BPTF: variants seen among roughly 807,000 people sequenced by gnomAD.
BPTF encodes bromodomain PHD finger transcription factor, also known as nucleosome-remodeling factor subunit BPTF.
BPTF carries 18 observed loss-of-function variants against 292.5 expected under a neutral mutation model. The observed-to-expected ratio is 0.06, with a 90% CI of 0.04 to 0.09. BPTF has a LOEUF of 0.09. BPTF is among the 10% of genes least tolerant of loss of function. BPTF has a pLI of 1.00. For synonymous variants in BPTF, 1,225 were observed against 1,251.9 expected (o/e 0.98, Z 0.45); for missense variants, 2,726 against 3,498.7 (o/e 0.78, Z 5.57).
intron 3 of BPTF, among the ~76,000 whole-genome samples, chr17:67,867,844 A>C (rs1246912323): frequency 6.6e-6 from 1 of 152,102 alleles, no homozygotes; most frequent in Non-Finnish European, 1.5e-5. Context: ...TCCCTGGGTG[A>C]GGCAGTGTTC....
chr17:67,956,287 C>A (rs1221885445), intron 23 of BPTF: 2 of 140,058 alleles, frequency 1.4e-5, no homozygotes, highest in Non-Finnish European at 3.0e-5. Flanking sequence ...CCACTGCATT[C>A]CAGCCTGGGA....
intron 9 of BPTF, among the ~76,000 whole-genome samples, chr17:67,906,179 C>T (rs1381835870): frequency 6.6e-6 from 1 of 152,034 alleles, no homozygotes; most frequent in African/African-American, 2.4e-5. Context: ...CTCCTGGGTT[C>T]AAGCAGTTCT....
chr17:67,952,766 A>G (rs1458971719), intron 23 of BPTF, among the ~76,000 whole-genome samples: 1 of 152,162 alleles, frequency 6.6e-6, no homozygotes, highest in Non-Finnish European at 1.5e-5. Context: ...TGGGCTTGGC[A>G]AATCCCTAAT....
chr17:67,905,626 T>A (rs999443003), intron 9 of BPTF, among the ~76,000 whole-genome samples: 29 of 152,172 alleles, frequency 1.9e-4, no homozygotes, highest in African/African-American at 7.0e-4. Flanking sequence ...GGAGGATTGC[T>A]TGAGGCCAGG....
At chr17:67,902,114 A>G (rs1217914228) in intron 7 of BPTF, among the ~76,000 whole-genome samples, 1 of 152,180 alleles carries the variant, frequency 6.6e-6, no homozygotes, top group Admixed American at 6.5e-5. Flanking sequence ...AAGACTGCCT[A>G]ACTGGCCTTG....
At chr17:67,942,854 A>G (rs1198759821) in intron 19 of BPTF, among the ~76,000 whole-genome samples, 1 of 152,246 alleles carries the variant, frequency 6.6e-6, no homozygotes, top group Non-Finnish European at 1.5e-5. Flanking sequence ...TAAAGAAGCA[A>G]GTAGCTGCCA....
At chr17:67,832,140 A>G (rs2056747336) in intron 1 of BPTF, among the ~76,000 whole-genome samples, 1 of 152,074 alleles carries the variant, frequency 6.6e-6, no homozygotes, top group Non-Finnish European at 1.5e-5. Flanking sequence ...CGCCTGCCTC[A>G]GCCTCCCAAA....
chr17:67,959,631 G>A lies in BPTF; in HGVS notation c.8017G>A (p.Val2673Met). 1 of 1,598,766 alleles carries A rather than the reference G, an allele frequency of 6.3e-7. No homozygotes were observed. The highest frequency in any genetic ancestry group is 1.8e-5 in the Admixed American group (1 of 56,434). The change falls in exon 24 of 28, where the codon GTG becomes ATG. Residue 2673 changes from valine to methionine, a missense_variant. Physicochemically the swap from Val to Met is conservative, Grantham distance 21 (BLOSUM62 1). Coordinates refer to ENST00000306378, the MANE Select transcript of BPTF (RefSeq NM_182641.4). ...ATAVAAPCPPVTPAPPAPPAP... is the reference protein window; with the variant it reads ...ATAVAAPCPPMTPAPPAPPAP... ...AGCAGTAGCTGCACCCTGCCCCCCAGTGACACCAGCTCCTCCAGCCCCTCC... is the reference window on the plus strand; with the variant it reads ...AGCAGTAGCTGCACCCTGCCCCCCAATGACACCAGCTCCTCCAGCCCCTCC...
Position 67,928,474 on chromosome 17 carries a change from A to G in BPTF, c.5871A>G (p.Ser1957=). The G allele has an allele frequency of 6.2e-7, 1 of 1,614,206 alleles. No homozygotes were observed. Among genetic ancestry groups the G allele is most frequent in the African/African-American group, 1.3e-5 (1 of 75,054 alleles). Residue 1957 remains serine, a synonymous_variant, in exon 16 of 28, where the codon TCA becomes TCG. Coordinates refer to ENST00000306378, the MANE Select transcript of BPTF (RefSeq NM_182641.4). The part of the protein sequence containing the change: ...QKVMVAPISG[S]VTTGTKMVLT... ...TTATGGTGGCCCCCATAAGTGGCTCAGTTACAACTGGAACCAAAATGGTAC... is the reference window on the plus strand; with the variant it reads ...TTATGGTGGCCCCCATAAGTGGCTCGGTTACAACTGGAACCAAAATGGTAC...
At chr17:67,832,403 G>A (rs372268649) in intron 1 of BPTF, among the ~76,000 whole-genome samples, 1 of 152,142 alleles carries the variant, frequency 6.6e-6, no homozygotes. Context: ...TGTTTTTCTA[G>A]ATAGTAAGTT....
intron 21 of BPTF, among the ~76,000 whole-genome samples, chr17:67,947,040 T>C (rs1420698611): frequency 3.9e-5 from 6 of 152,358 alleles, no homozygotes; most frequent in Middle Eastern, 3.4e-3. Context: ...AGGTCTCCCA[T>C]TCACAGTCCG....
At chr17:67,960,054 T>C in intron 24 of BPTF, 179 bp downstream of exon 24, 1 of 538,308 alleles carries the variant, frequency 1.9e-6, no homozygotes, top group Non-Finnish European at 3.2e-6. Context: ...AAGTAAAATT[T>C]GCTATTTCAC....
chr17:67,905,220 C>T (rs183540640), intron 9 of BPTF, among the ~76,000 whole-genome samples: 5 of 151,568 alleles, frequency 3.3e-5, no homozygotes, highest in Admixed American at 2.6e-4. Flanking sequence ...GACTACCTGG[C>T]TAACATGGTG....
intron 11 of BPTF, among the ~76,000 whole-genome samples, chr17:67,914,657 T>A (rs895855234): frequency 4.6e-5 from 7 of 152,184 alleles, no homozygotes; most frequent in African/African-American, 1.7e-4. Context: ...CTGCTCTTTG[T>A]ATTCTAAAAT....
chr17:67,977,172 A>T (rs1555694427), intron 27 of BPTF, among the ~76,000 whole-genome samples: 1 of 152,206 alleles, frequency 6.6e-6, no homozygotes, highest in East Asian at 1.9e-4. Flanking sequence ...ATATATTTTC[A>T]GTCATGTGAG....
chr17:67,924,108 C>T (rs1192214692), intron 14 of BPTF, among the ~76,000 whole-genome samples: 1 of 152,184 alleles, frequency 6.6e-6, no homozygotes, highest in Non-Finnish European at 1.5e-5. Flanking sequence ...AAGCAGTTCT[C>T]CTGCCTCAGG....
At chr17:67,964,792 A>G (rs1255703502) in intron 25 of BPTF, among the ~76,000 whole-genome samples, 6 of 150,696 alleles carry the variant, frequency 4.0e-5, no homozygotes, top group African/African-American at 1.5e-4. Context: ...CAAGGTCAGG[A>G]GATCAGACCA....
At chr17:67,917,789 T>C (rs2063146240) in intron 11 of BPTF, among the ~76,000 whole-genome samples, 1 of 151,964 alleles carries the variant, frequency 6.6e-6, no homozygotes, top group Non-Finnish European at 1.5e-5. Context: ...TGCACCACCA[T>C]GCCCAACTAA....
chr17:67,913,208 T>C, intron 11 of BPTF, 21 bp downstream of exon 11: 1 of 1,542,360 alleles, frequency 6.5e-7, no homozygotes, highest in African/African-American at 1.4e-5. Flanking sequence ...TAAAATGTAT[T>C]TGGGGGAGGG....
Sources: allele counts gnomAD v4.1 joint callset (sites outside exome capture counted in the v4.1 genomes callset), GRCh38; gene constraint gnomAD v4.1.1; transcripts MANE v1.5; gene names NCBI Gene and HGNC (gene_info 2026-07-23, HGNC 2026-07-21).